Variants in NELL1 observed in about 807,000 individuals in gnomAD.
The protein encoded by NELL1 is protein kinase C-binding protein NELL1.
Under a neutral mutation model 107.4 loss-of-function variants are expected in NELL1, and 76 were observed. That is an observed-to-expected ratio of 0.71 (90% CI 0.59 to 0.86). The LOEUF (loss-of-function observed/expected upper bound fraction) is 0.86, where lower values mean the gene tolerates loss of function less well. NELL1 is among the 40% of genes least tolerant of loss of function. NELL1 has a pLI of 0.00. For synonymous variants in NELL1, 353 were observed against 341.2 expected (o/e 1.03, Z -0.38); for missense variants, 1,024 against 1,005.5 (o/e 1.02, Z -0.25).
At chr11:21,027,986 A>T (rs1852859323) in intron 12 of NELL1, among the ~76,000 whole-genome samples, 1 of 152,298 alleles carries the variant, frequency 6.6e-6, no homozygotes, top group Non-Finnish European at 1.5e-5. Context: ...CACACATTTT[A>T]TAAAAAGTTA....
chr11:21,033,972 T>C (rs1853026235), intron 12 of NELL1, among the ~76,000 whole-genome samples: 1 of 152,188 alleles, frequency 6.6e-6, no homozygotes, highest in Non-Finnish European at 1.5e-5. Context: ...GGTTTTGATT[T>C]GCATTTCTTT....
intron 14 of NELL1, among the ~76,000 whole-genome samples, chr11:21,282,993 G>A (rs1318611110): frequency 6.6e-6 from 1 of 151,660 alleles, no homozygotes; most frequent in Non-Finnish European, 1.5e-5. Context: ...GACTCATGGA[G>A]ATAGAAAGTA....
intron 14 of NELL1, among the ~76,000 whole-genome samples, chr11:21,273,704 C>A (rs566843011): frequency 6.6e-6 from 1 of 152,334 alleles, no homozygotes; most frequent in East Asian, 1.9e-4. Flanking sequence ...CAGCTGATCT[C>A]TCGGCAGAAA....
At position 20,698,927 on chromosome 11, in the gene NELL1, G is replaced by C. The variant is rs1036517737; in HGVS notation, c.184+20867G>C. ...CCTGAGTTACTTCATTTAGAATAAC[G>C]GTCTCCAAACTGGGCGTGGTGGCTC... is the stretch of plus-strand genomic sequence containing the variant. On this transcript the variant is annotated intron_variant, in intron 2 of 19. Coordinates refer to ENST00000357134, the MANE Select transcript of NELL1 (RefSeq NM_006157.5). Among the ~76,000 whole-genome samples the C allele has an allele frequency of 5.9e-5, 9 of 152,060 alleles. No homozygotes were observed. In the South Asian group the frequency reaches 1.9e-3, roughly 31 times the overall value.
intron 15 of NELL1, among the ~76,000 whole-genome samples, chr11:21,393,284 A>G (rs1851918370): frequency 1.3e-5 from 2 of 151,754 alleles, no homozygotes; most frequent in Admixed American, 1.3e-4. Context: ...TGGAAGTTAC[A>G]AATACCAGGG....
intron 14 of NELL1, among the ~76,000 whole-genome samples, chr11:21,368,094 T>C (rs1851271565): frequency 6.6e-6 from 1 of 152,202 alleles, no homozygotes; most frequent in African/African-American, 2.4e-5. Flanking sequence ...GATCTTAATT[T>C]CCACAAAGTA....
At chr11:20,975,064 C>G (rs1851577022) in intron 12 of NELL1, among the ~76,000 whole-genome samples, 1 of 152,090 alleles carries the variant, frequency 6.6e-6, no homozygotes, top group African/African-American at 2.4e-5. Flanking sequence ...TGCTGGAGTG[C>G]AGTGCATGCT....
At chr11:21,429,868 T>C (rs529769838) in intron 15 of NELL1, among the ~76,000 whole-genome samples, 3 of 152,282 alleles carry the variant, frequency 2.0e-5, no homozygotes, top group Admixed American at 2.0e-4. Context: ...ACATCAGCTC[T>C]TTAAAGGCAG....
At chr11:21,480,474 T>G (rs1001608409) in intron 15 of NELL1, among the ~76,000 whole-genome samples, 10 of 152,160 alleles carry the variant, frequency 6.6e-5, no homozygotes, top group Admixed American at 6.6e-4. Context: ...CTTTCAGAAG[T>G]GAAGCTATTA....
At chr11:20,877,614 C>T (rs1010488428) in intron 4 of NELL1, among the ~76,000 whole-genome samples, 11 of 152,106 alleles carry the variant, frequency 7.2e-5, no homozygotes, top group Non-Finnish European at 1.3e-4. Flanking sequence ...AAACCAAAGT[C>T]ACAAATTAAG....
chr11:20,954,212 CT>C (rs752279239), intron 11 of NELL1, among the ~76,000 whole-genome samples: 16 of 152,200 alleles, frequency 1.1e-4, no homozygotes, highest in Non-Finnish European at 1.8e-4. Flanking sequence ...ATGTAAAACA[CT>C]TAGCCAAGTG....
intron 12 of NELL1, among the ~76,000 whole-genome samples, chr11:21,050,008 C>T (rs1413117501): frequency 4.6e-5 from 7 of 152,234 alleles, no homozygotes; most frequent in Admixed American, 3.9e-4. Context: ...GTTAATTAAG[C>T]GTTAGTTTGA....
intron 15 of NELL1, among the ~76,000 whole-genome samples, chr11:21,452,151 G>A (rs73461287): frequency 0.026 from 3,849 of 150,500 alleles, 170 homozygotes; most frequent in African/African-American, 0.087. Context: ...AACATTGATT[G>A]TGGTACCTGT....
At chr11:20,963,105 G>A (rs1237203059) in intron 12 of NELL1, among the ~76,000 whole-genome samples, 3 of 152,082 alleles carry the variant, frequency 2.0e-5, no homozygotes, top group Non-Finnish European at 4.4e-5. Flanking sequence ...TTCCGTGATT[G>A]CATGATGACT....
chr11:21,033,553 C>A (rs965622130), intron 12 of NELL1, among the ~76,000 whole-genome samples: 4 of 151,894 alleles, frequency 2.6e-5, no homozygotes, highest in African/African-American at 9.7e-5. Context: ...CATGTCTTTG[C>A]CAAGGACATG....
intron 14 of NELL1, among the ~76,000 whole-genome samples, chr11:21,322,946 GC>G (rs140431512): frequency 0.032 from 4,894 of 152,046 alleles, 287 homozygotes; most frequent in African/African-American, 0.11. Context: ...AATTGAAAGT[GC>G]CCCCTTAGGA....
intron 15 of NELL1, among the ~76,000 whole-genome samples, chr11:21,437,098 A>T (rs1853142597): frequency 6.6e-6 from 1 of 152,168 alleles, no homozygotes; most frequent in Non-Finnish European, 1.5e-5. Context: ...GCTTTTGGGT[A>T]AAATGTTCTG....
intron 13 of NELL1, among the ~76,000 whole-genome samples, chr11:21,194,657 C>T (rs562411797): frequency 5.9e-5 from 9 of 152,148 alleles, no homozygotes; most frequent in Admixed American, 1.3e-4. Flanking sequence ...AGGCCCTAAG[C>T]AAGACCTACC....
At chr11:20,832,727 A>G (rs1200814766) in intron 3 of NELL1, among the ~76,000 whole-genome samples, 1 of 152,236 alleles carries the variant, frequency 6.6e-6, no homozygotes. Context: ...TGACAATAAT[A>G]ATAGCTGACA....
Sources: allele counts gnomAD v4.1 joint callset (sites outside exome capture counted in the v4.1 genomes callset), GRCh38; gene constraint gnomAD v4.1.1; transcripts MANE v1.5; gene names NCBI Gene and HGNC (gene_info 2026-07-23, HGNC 2026-07-21).